PPFIBP1: variants seen among roughly 807,000 people sequenced by gnomAD.
The protein encoded by PPFIBP1 is PPFIB scaffold protein 1.
In PPFIBP1, 112 loss-of-function variants were observed where a neutral mutation model predicts 137.8. The ratio of observed to expected loss-of-function variants is 0.81; its 90% CI spans 0.70 to 0.95. The LOEUF is 0.95. PPFIBP1 is among the 40% of genes least tolerant of loss of function. The pLI is 0.00. For missense variants in PPFIBP1, 1,083 were observed against 1,196.6 expected (o/e 0.91, Z 1.40); for synonymous variants, 378 against 417.3 (o/e 0.91, Z 1.15).
intron 2 of PPFIBP1, among the ~76,000 whole-genome samples, chr12:27,617,673 A>G (rs1415532162): frequency 6.6e-6 from 1 of 152,232 alleles, no homozygotes; most frequent in African/African-American, 2.4e-5. Context: ...CAAATGCTAT[A>G]TAAATAGTTG....
intron 22 of PPFIBP1, 53 bp from the exon 23 acceptor site, chr12:27,682,334 G>T: frequency 7.8e-7 from 1 of 1,276,690 alleles, no homozygotes; most frequent in Non-Finnish European, 1.1e-6. Flanking sequence ...TCCTTTGCCA[G>T]TGGCACCCAG....
chr12:27,631,855 A>G (rs2057294995), intron 2 of PPFIBP1, among the ~76,000 whole-genome samples: 1 of 152,170 alleles, frequency 6.6e-6, no homozygotes, highest in South Asian at 2.1e-4. Flanking sequence ...ACTTTGTGTT[A>G]TTGGTATTCC....
chr12:27,612,696 C>A (rs1421314429), intron 2 of PPFIBP1, among the ~76,000 whole-genome samples: 3 of 152,088 alleles, frequency 2.0e-5, no homozygotes, highest in Non-Finnish European at 4.4e-5. Context: ...CGCAGCACGT[C>A]ATGTGCTAAT....
chr12:27,537,042 C>G (rs1462007982), intron 1 of PPFIBP1, among the ~76,000 whole-genome samples: 1 of 152,128 alleles, frequency 6.6e-6, no homozygotes, highest in Non-Finnish European at 1.5e-5. Flanking sequence ...TCTTCATTCC[C>G]CCTACCAGTA....
At chr12:27,679,698 C>T (rs1394287394) in intron 20 of PPFIBP1, 59 bp downstream of exon 20, 6 of 1,569,478 alleles carry the variant, frequency 3.8e-6, no homozygotes, top group Non-Finnish European at 5.2e-6. Context: ...TTAAAAGTGG[C>T]TGGACATGGG....
At chr12:27,619,747 G>A (rs1283769517) in intron 2 of PPFIBP1, among the ~76,000 whole-genome samples, 1 of 152,016 alleles carries the variant, frequency 6.6e-6, no homozygotes, top group Non-Finnish European at 1.5e-5. Context: ...CTTTGTTAGG[G>A]GTATGTTACA....
At chr12:27,571,761 A>G (rs986031620) in intron 1 of PPFIBP1, among the ~76,000 whole-genome samples, 1 of 152,188 alleles carries the variant, frequency 6.6e-6, no homozygotes, top group South Asian at 2.1e-4. Flanking sequence ...TTAGTTCAGA[A>G]TGGCCTTTCA....
intron 2 of PPFIBP1, among the ~76,000 whole-genome samples, chr12:27,582,225 T>C (rs2051209724): frequency 6.6e-6 from 1 of 152,176 alleles, no homozygotes; most frequent in Non-Finnish European, 1.5e-5. Context: ...TGTATGTGTG[T>C]GTGCATACAT....
At chr12:27,593,129 C>CAAAAAAAAAAAAA (rs33939858) in intron 2 of PPFIBP1, among the ~76,000 whole-genome samples, 1 of 100,944 alleles carries the variant, frequency 9.9e-6, no homozygotes, top group Non-Finnish European at 1.9e-5. Context: ...AAGAATGTCT[C>CAAAAAAAAAAAAA]AAAAAAAAAA....
chr12:27,642,330 T>TA (rs1365683189), intron 4 of PPFIBP1, among the ~76,000 whole-genome samples: 2 of 152,214 alleles, frequency 1.3e-5, no homozygotes, highest in Non-Finnish European at 2.9e-5. Context: ...ATGCGGTCAA[T>TA]AAGGGGTTGC....
intron 2 of PPFIBP1, among the ~76,000 whole-genome samples, chr12:27,620,836 G>T (rs149443653): frequency 6.6e-6 from 1 of 152,100 alleles, no homozygotes; most frequent in Non-Finnish European, 1.5e-5. Flanking sequence ...TGCTTGCTTC[G>T]TTATTTTTCC....
At chr12:27,634,189 C>G (rs924195997) in intron 3 of PPFIBP1, among the ~76,000 whole-genome samples, 1 of 139,584 alleles carries the variant, frequency 7.2e-6, no homozygotes, top group Admixed American at 7.6e-5. Context: ...CTATGTTTCT[C>G]AAGCTGAAGT....
At chr12:27,681,814 A>G in intron 22 of PPFIBP1, 118 bp downstream of exon 22, 1 of 1,220,732 alleles carries the variant, frequency 8.2e-7, no homozygotes, top group Non-Finnish European at 1.1e-6. Flanking sequence ...CTCTGTAAAC[A>G]AAAGTTTGGG....
At chr12:27,654,414 T>C (rs1018206287) in intron 7 of PPFIBP1, 19 of 197,082 alleles carry the variant, frequency 9.6e-5, no homozygotes, top group Non-Finnish European at 1.8e-4. Flanking sequence ...TAGAGTCATT[T>C]TTAGGATAGA....
chr12:27,527,895 C>T (rs1343776346), intron 1 of PPFIBP1, among the ~76,000 whole-genome samples: 5 of 152,042 alleles, frequency 3.3e-5, no homozygotes, highest in Admixed American at 3.3e-4. Context: ...ATATGCGAGT[C>T]AAAGCTGTTA....
At chr12:27,551,213 G>A (rs1342803164) in intron 1 of PPFIBP1, among the ~76,000 whole-genome samples, 1 of 152,032 alleles carries the variant, frequency 6.6e-6, no homozygotes, top group African/African-American at 2.4e-5. Context: ...TGATCTGATA[G>A]ACAGGTGCTC....
At chr12:27,679,896 C>T (rs1199590704) in intron 20 of PPFIBP1, 37 bp from the exon 21 acceptor site, 1 of 1,609,810 alleles carries the variant, frequency 6.2e-7, no homozygotes, top group South Asian at 1.1e-5. Flanking sequence ...AAGGCCTCCT[C>T]AGGTCTAATA....
Position 27,641,075 on chromosome 12 carries a change from A to T in PPFIBP1, c.271-4987A>T, listed in dbSNP as rs1593057598. On this transcript the variant is annotated intron_variant, in intron 4 of 29. Coordinates refer to ENST00000228425, the MANE Select transcript of PPFIBP1 (RefSeq NM_003622.4). ...ATAACTAGTTTTAAAAATAAGTATA[A>T]TGACTGGCTGGAATGTGGTGTGTGC... Among the ~76,000 whole-genome samples the T allele has an allele frequency of 2.6e-5, 4 of 152,206 alleles. No homozygotes were observed. In the South Asian group the frequency reaches 8.3e-4, roughly 31 times the overall value.
chr12:27,672,757 T>C (rs1156393870), intron 15 of PPFIBP1, among the ~76,000 whole-genome samples: 1 of 152,210 alleles, frequency 6.6e-6, no homozygotes, highest in African/African-American at 2.4e-5. Flanking sequence ...CAGTTTTCAT[T>C]TGAAGTTCAA....
Sources: allele counts gnomAD v4.1 joint callset (sites outside exome capture counted in the v4.1 genomes callset), GRCh38; gene constraint gnomAD v4.1.1; transcripts MANE v1.5; gene names NCBI Gene and HGNC (gene_info 2026-07-23, HGNC 2026-07-21).